Variants in EGLN1 observed in about 807,000 individuals in gnomAD.
EGLN1 encodes the protein egl-9 family hypoxia inducible factor 1.
In EGLN1, 17 loss-of-function variants were observed where a neutral mutation model predicts 38.3. That is an observed-to-expected ratio of 0.44 (90% confidence interval 0.30 to 0.67). The LOEUF is 0.67. EGLN1 is among the 30% of genes least tolerant of loss of function. The pLI, the probability that EGLN1 is intolerant of heterozygous loss-of-function variation, is 0.08. For synonymous variants in EGLN1, 283 were observed against 257.5 expected (o/e 1.10, Z -0.95); for missense variants, 477 against 603.3 (o/e 0.79, Z 2.19).
At chr1:231,407,876 T>G (rs546774) in intron 1 of EGLN1, among the ~76,000 whole-genome samples, 22,644 of 151,998 alleles carry the variant, frequency 0.15, 2,068 homozygotes, top group African/African-American at 0.24. Flanking sequence ...AAGGCGAGTT[T>G]ACCACAACAG....
chr1:231,410,817 T>C (rs941743130), intron 1 of EGLN1, among the ~76,000 whole-genome samples: 21 of 130,422 alleles, frequency 1.6e-4, no homozygotes, highest in African/African-American at 4.2e-4. Flanking sequence ...GGGTGGTTAA[T>C]AGAGCTATTG....
At chr1:231,377,850 T>C (rs1687996657) in intron 1 of EGLN1, among the ~76,000 whole-genome samples, 2 of 152,164 alleles carry the variant, frequency 1.3e-5, no homozygotes, top group African/African-American at 4.8e-5. Context: ...GCTTAGCTGT[T>C]TCCTATACAG....
At chr1:231,371,661 C>G (rs1456023758) in intron 2 of EGLN1, among the ~76,000 whole-genome samples, 1 of 152,148 alleles carries the variant, frequency 6.6e-6, no homozygotes, top group Non-Finnish European at 1.5e-5. Flanking sequence ...TCAAATCGCA[C>G]TGGGAACTGT....
intron 1 of EGLN1, among the ~76,000 whole-genome samples, chr1:231,376,118 T>C (rs550165080): frequency 6.6e-6 from 1 of 152,326 alleles, no homozygotes; most frequent in South Asian, 2.1e-4. Flanking sequence ...TCCCTTGCAC[T>C]CATTTACATA....
intron 1 of EGLN1, among the ~76,000 whole-genome samples, chr1:231,398,550 A>G (rs111772560): frequency 7.9e-5 from 12 of 152,362 alleles, no homozygotes; most frequent in African/African-American, 2.9e-4. Context: ...TCCTGTTACA[A>G]CAGCAGAGTT....
At chr1:231,393,533 G>C (rs1688446261) in intron 1 of EGLN1, among the ~76,000 whole-genome samples, 2 of 152,156 alleles carry the variant, frequency 1.3e-5, no homozygotes, top group Non-Finnish European at 2.9e-5. Flanking sequence ...GGGTTGATGA[G>C]AGGATAAATG....
chr1:231,416,749 C>T (rs1572794), intron 1 of EGLN1, among the ~76,000 whole-genome samples: 23,021 of 152,140 alleles, frequency 0.15, 2,142 homozygotes, highest in African/African-American at 0.25. Flanking sequence ...CAACTCACTA[C>T]ACAAAATGTT....
intron 1 of EGLN1, among the ~76,000 whole-genome samples, chr1:231,377,505 G>A (rs1199116469): frequency 6.6e-6 from 1 of 152,176 alleles, no homozygotes; most frequent in Non-Finnish European, 1.5e-5. Context: ...AATGACTACG[G>A]GGTTTTCAGC....
intron 1 of EGLN1, among the ~76,000 whole-genome samples, chr1:231,390,431 C>A (rs1187563237): frequency 6.6e-6 from 1 of 152,220 alleles, no homozygotes; most frequent in Non-Finnish European, 1.5e-5. Flanking sequence ...TAGTCTCAAT[C>A]CTCACCACAA....
chr1:231,366,199 T>A lies in EGLN1; in HGVS notation c.*212A>T. 1 of 604,792 alleles carries A rather than the reference T, an allele frequency of 1.7e-6. No homozygotes were observed. The allele number at this position is 604,792 out of a possible 1,614,324, so 37.5% of individuals were successfully genotyped here. A position where few individuals can be genotyped will look rare whatever the true frequency, so the allele number is the denominator to read the frequency against. On this transcript the variant is annotated 3_prime_UTR_variant, in exon 5 of 5. Coordinates refer to ENST00000366641, the MANE Select transcript of EGLN1 (RefSeq NM_022051.3). ...TTCAATTAGTAGCTTATCTTCCTCC[T>A]GTAAGCAATCACAGATTTGAAGTTG...
intron 1 of EGLN1, among the ~76,000 whole-genome samples, chr1:231,406,179 A>T (rs1033773019): frequency 2.7e-5 from 4 of 147,496 alleles, no homozygotes; most frequent in African/African-American, 9.9e-5. Context: ...AAAAAAAAAA[A>T]TTTCAGGTTA....
Position 231,421,913 on chromosome 1 carries a change from GACT to G in EGLN1, c.-28_-26del, listed in dbSNP as rs1293490498. On this transcript the variant is annotated 5_prime_UTR_variant, in exon 1 of 5. Transcript: ENST00000366641. This position sits in a 1 kb window ranked among gnomAD's most constrained non-coding sequence, Gnocchi z 5.5. ...TGGCGGCGGCGGCGGCGGCGACGGCGACTGCGGCGGCCGAGCAGGAGGGGTAGC... is the reference window on the plus strand; with the variant it reads ...TGGCGGCGGCGGCGGCGGCGACGGCGGCGGCGGCCGAGCAGGAGGGGTAGC... The G allele has an allele frequency of 7.2e-7, 1 of 1,384,296 alleles. No homozygotes were observed. Among genetic ancestry groups the G allele is most frequent in the Non-Finnish European group, 9.3e-7 (1 of 1,079,500 alleles). The allele number at this position is 1,384,296 out of a possible 1,614,324, so 85.8% of individuals were successfully genotyped here.
intron 1 of EGLN1, among the ~76,000 whole-genome samples, chr1:231,388,281 A>ATTAC (rs35925395): frequency 1.3e-5 from 2 of 152,020 alleles, no homozygotes; most frequent in Non-Finnish European, 2.9e-5. Context: ...AAGAAAATTA[A>ATTAC]GAGGGAAGAA....
intron 1 of EGLN1, among the ~76,000 whole-genome samples, chr1:231,397,135 A>C (rs1688550534): frequency 6.6e-6 from 1 of 152,206 alleles, no homozygotes; most frequent in South Asian, 2.1e-4. Context: ...CCCAATGCCT[A>C]GCAGTGCTTC....
At chr1:231,372,462 G>C (rs540349236) in intron 2 of EGLN1, among the ~76,000 whole-genome samples, 35 of 152,242 alleles carry the variant, frequency 2.3e-4, no homozygotes, top group Non-Finnish European at 4.4e-5. Context: ...GATCAGCCTA[G>C]AAAAAGCCTA....
intron 1 of EGLN1, among the ~76,000 whole-genome samples, chr1:231,375,181 G>T (rs113106416): frequency 6.6e-6 from 1 of 152,102 alleles, no homozygotes; most frequent in South Asian, 2.1e-4. Flanking sequence ...TCGGCCTCCC[G>T]AGTAGCTGGG....
chr1:231,421,343 G>C lies in EGLN1; in HGVS notation c.546C>G (p.Asn182Lys), dbSNP rs1258825907. The C allele has an allele frequency of 6.2e-7, 1 of 1,610,848 alleles. No individual in the cohort carries two copies. Among genetic ancestry groups the C allele is most frequent in the Non-Finnish European group, 8.5e-7 (1 of 1,178,694 alleles). ...GCGCCGGCAGGGGCTTCGTCTGCCC[G>C]TTGGGCCGCAGGCCGCCGCCGGGGC... ...ALSPGGGLRP[N>K]GQTKPLPALK... Residue 182 changes from asparagine (N) to lysine (K), a missense_variant, in exon 1 of 5, where the codon AAC becomes AAG. By Grantham distance (94) the Asn-to-Lys change is moderately conservative. Coordinates refer to ENST00000366641, the MANE Select transcript of EGLN1 (RefSeq NM_022051.3). This position sits in a 1 kb window ranked among gnomAD's most constrained non-coding sequence, Gnocchi z 5.5.
intron 4 of EGLN1, 33 bp from the exon 5 acceptor site, chr1:231,366,508 A>C: frequency 7.5e-6 from 12 of 1,598,124 alleles, no homozygotes; most frequent in Non-Finnish European, 1.0e-5. Flanking sequence ...ATTTTCATTC[A>C]TTCACTAAGC....
At chr1:231,399,838 C>T (rs2486729) in intron 1 of EGLN1, among the ~76,000 whole-genome samples, 82,780 of 151,850 alleles carry the variant, frequency 0.55, 24,198 homozygotes, top group Non-Finnish European at 0.65. Context: ...GTGGGCACTA[C>T]GAAATGGTTA....
Sources: gnomAD v4.1 joint callset for allele counts (sites outside exome capture counted in the v4.1 genomes callset) on GRCh38, gnomAD v4.1.1 for gene constraint, Gnocchi (gnomAD v3.1) non-coding constraint, MANE v1.5 for transcripts, NCBI Gene and HGNC (gene_info 2026-07-23, HGNC 2026-07-21) for gene names.